Variants in FGF23 observed in about 807,000 individuals in gnomAD.
FGF23 encodes the protein fibroblast growth factor 23, also known as phosphatonin.
FGF23 carries 8 observed loss-of-function variants against 9.0 expected under a neutral mutation model. That is an observed-to-expected ratio of 0.89 (90% CI 0.52 to 1.60). FGF23 has a LOEUF of 1.60. Among genes scored for constraint, FGF23 ranks in the 40% most tolerant of loss-of-function variants. The pLI, the probability that FGF23 is intolerant of heterozygous loss-of-function variation, is 0.00. For synonymous variants in FGF23, 118 were observed against 146.2 expected, an observed-to-expected ratio of 0.81 and a Z score of 1.39; for missense variants, 311 against 344.3, an observed-to-expected ratio of 0.90 and a Z score of 0.77.
chr12:4,377,046 A>G (rs1865124191), intron 1 of FGF23, among the ~76,000 whole-genome samples: 1 of 152,134 alleles, frequency 6.6e-6, no homozygotes, highest in African/African-American at 2.4e-5. Flanking sequence ...ACAAAATCAC[A>G]TTTCTATTTT....
At chr12:4,377,829 C>T (rs1362435446) in intron 1 of FGF23, among the ~76,000 whole-genome samples, 5 of 152,256 alleles carry the variant, frequency 3.3e-5, no homozygotes, top group South Asian at 2.1e-4. Context: ...CAAGGTAGGA[C>T]GACAGACCAT....
chr12:4,378,742 ATGGATG>A (rs1192230071), intron 1 of FGF23, among the ~76,000 whole-genome samples: 5 of 151,706 alleles, frequency 3.3e-5, no homozygotes, highest in Admixed American at 2.0e-4. Context: ...GGATGGATGG[ATGGATG>A]GATGGATGGA....
At chr12:4,378,577 A>C (rs940031400) in intron 1 of FGF23, among the ~76,000 whole-genome samples, 2 of 152,198 alleles carry the variant, frequency 1.3e-5, no homozygotes, top group Admixed American at 1.3e-4. Context: ...ATCTTTAAAA[A>C]CATTCCAGTT....
intron 1 of FGF23, among the ~76,000 whole-genome samples, chr12:4,375,621 G>A (rs13312775): frequency 7.2e-5 from 11 of 152,170 alleles, no homozygotes; most frequent in Admixed American, 2.6e-4. Context: ...CTTCAATGAC[G>A]GAGGTGTCTC....
At chr12:4,371,667 G>T (rs1752966538) in intron 2 of FGF23, among the ~76,000 whole-genome samples, 1 of 152,098 alleles carries the variant, frequency 6.6e-6, no homozygotes, top group Admixed American at 6.5e-5. Context: ...TTGGGGCAGG[G>T]GTTATTAATT....
At chr12:4,375,802 A>G (rs1291774102) in intron 1 of FGF23, among the ~76,000 whole-genome samples, 1 of 152,236 alleles carries the variant, frequency 6.6e-6, no homozygotes, top group Non-Finnish European at 1.5e-5. Flanking sequence ...TGAAGACATA[A>G]TGAGATAATG....
At chr12:4,377,422 C>CTTTTTTTTTTT (rs11397562) in intron 1 of FGF23, among the ~76,000 whole-genome samples, 1 of 69,478 alleles carries the variant, frequency 1.4e-5, no homozygotes, top group Non-Finnish European at 2.5e-5. Flanking sequence ...CACATATAGT[C>CTTTTTTTTTTT]TTTTTTTTTT....
At chr12:4,373,345 C>T (rs547141710) in intron 1 of FGF23, among the ~76,000 whole-genome samples, 1 of 152,358 alleles carries the variant, frequency 6.6e-6, no homozygotes, top group East Asian at 1.9e-4. Flanking sequence ...CTCAGCTCCT[C>T]AGGACAATGC....
intron 1 of FGF23, 90 bp from the exon 2 acceptor site, chr12:4,372,787 C>T: frequency 1.2e-6 from 1 of 837,510 alleles, no homozygotes. Context: ...ATGAAACCTC[C>T]CTGGATTGAT....
intron 1 of FGF23, among the ~76,000 whole-genome samples, chr12:4,377,884 G>T (rs1048982798): frequency 1.3e-5 from 2 of 152,186 alleles, no homozygotes; most frequent in African/African-American, 4.8e-5. Context: ...CACAGCGCTT[G>T]GTAGAATGCC....
At chr12:4,370,826 G>A (rs1865057190) in intron 2 of FGF23, 43 bp from the exon 3 acceptor site, 7 of 1,574,286 alleles carry the variant, frequency 4.4e-6, no homozygotes, top group African/African-American at 4.0e-5. Context: ...GGCAGTGGGG[G>A]CCCCACCCAC....
intron 1 of FGF23, 37 bp from the exon 2 acceptor site, chr12:4,372,734 C>T (rs776817109): frequency 8.0e-7 from 1 of 1,253,090 alleles, no homozygotes; most frequent in Non-Finnish European, 1.2e-6. Context: ...GACTCATTGC[C>T]ATCCAATTCC....
intron 2 of FGF23, among the ~76,000 whole-genome samples, chr12:4,371,210 T>G (rs1177258836): frequency 1.3e-5 from 2 of 152,170 alleles, no homozygotes; most frequent in Admixed American, 6.5e-5. Context: ...ATTGGAGACA[T>G]GAACTTTGCT....
rs1865028517 is a variant in FGF23, at chr12:4,368,513, A to G, written c.*1830T>C. The G allele has an allele frequency of 5.5e-6, 1 of 182,902 alleles. No individual in the cohort carries two copies. The highest frequency in any genetic ancestry group is 1.2e-5 in the Non-Finnish European group (1 of 86,084). 11.3% of individuals were successfully genotyped at this position (182,902 alleles called of 1,614,324 possible). A position where few individuals can be genotyped will look rare whatever the true frequency, so the allele number is the denominator to read the frequency against. On this transcript the variant is annotated 3_prime_UTR_variant, in exon 3 of 3. Coordinates refer to ENST00000237837, the MANE Select transcript of FGF23 (RefSeq NM_020638.3). The stretch of plus-strand genomic sequence containing the variant: ...GAAAGGAAAAAGGGGTTACATTTTT[A>G]TAAATATCTATAAATATAGAAGGAT...
rs1236762658 is a variant in FGF23, at chr12:4,370,243, C to T, written c.*100G>A. ...AGAAGCAGCAAATTCCATACATGCC[C>T]CTGTCACCTTTCCCATCCTCGGAAC... is the stretch of plus-strand genomic sequence containing the variant. On this transcript the variant is annotated 3_prime_UTR_variant, in exon 3 of 3. Coordinates refer to ENST00000237837, the MANE Select transcript of FGF23 (RefSeq NM_020638.3). The T allele has an allele frequency of 4.1e-6, 5 of 1,221,288 alleles. No individual in the cohort carries two copies. The highest frequency in any genetic ancestry group is 6.0e-6 in the Non-Finnish European group (5 of 838,422). The allele number at this position is 1,221,288 out of a possible 1,614,324, so 75.7% of individuals were successfully genotyped here. A position where few individuals can be genotyped will look rare whatever the true frequency, so the allele number is the denominator to read the frequency against.
Position 4,369,970 on chromosome 12 carries a change from CTTTTTTTTTTTTTT to C in FGF23, c.*359_*372del, listed in dbSNP as rs58735464. ...AAGTCTTGAGCTCAGGAACCCACTGCTTTTTTTTTTTTTTTTTTTTTTTTTTTTTTTTATGCTTA... is the reference window on the plus strand; with the variant it reads ...AAGTCTTGAGCTCAGGAACCCACTGCTTTTTTTTTTTTTTTTTTATGCTTA... On this transcript the variant is annotated 3_prime_UTR_variant, in exon 3 of 3. Transcript: ENST00000237837. The C allele has an allele frequency of 1.5e-3, 139 of 91,004 alleles. 1 individual carries two copies. Among genetic ancestry groups the C allele is most frequent in the African/African-American group, 9.7e-3 (129 of 13,298 alleles). 5.6% of individuals were successfully genotyped at this position (91,004 alleles called of 1,614,324 possible).
In FGF23 at chr12:4,370,770, G is replaced by C; in HGVS notation, c.329C>G (p.Pro110Arg). 1.2e-6 allele frequency: 2 copies of C among 1,614,014 alleles called. No individual in the cohort carries two copies. The highest frequency in any genetic ancestry group is 4.5e-5 in the East Asian group (2 of 44,874). ...GNIFGSHYFD[P>R]ENCRFQHQTL... The stretch of plus-strand genomic sequence containing the variant: ...CTGGTGTTGGAACCTGCAGTTCTCC[G>C]GGTCGAAATAGTGCTGGAAGGACAA... The change falls in exon 3 of 3, where the codon CCG becomes CGG. Residue 110 changes from proline (P) to arginine (R), a missense_variant. By Grantham distance (103) the Pro-to-Arg change is moderately radical. This residue lies in a region of FGF23 where 206 missense variants were observed against 219.2 expected (regional missense o/e 0.94). Transcript: ENST00000237837.
At chr12:4,375,742 T>C (rs1203152795) in intron 1 of FGF23, among the ~76,000 whole-genome samples, 5 of 152,228 alleles carry the variant, frequency 3.3e-5, no homozygotes, top group African/African-American at 1.2e-4. Context: ...CTCTTGTTTT[T>C]TCACATATAA....
intron 2 of FGF23, among the ~76,000 whole-genome samples, chr12:4,371,280 C>T (rs1865061744): frequency 6.6e-6 from 1 of 152,234 alleles, no homozygotes. Flanking sequence ...GAGTGCCCCA[C>T]GAAGGCCTTT....
Sources: allele counts gnomAD v4.1 joint callset (sites outside exome capture counted in the v4.1 genomes callset), GRCh38; gene constraint gnomAD v4.1.1; regional missense constraint gnomAD v4.1.1; transcripts MANE v1.5; gene names NCBI Gene and HGNC (gene_info 2026-07-23, HGNC 2026-07-21).